The following PTCHD4 variants were observed in gnomAD, a reference collection of about 807,000 sequenced individuals.
PTCHD4 encodes the protein patched domain-containing protein 4.
In PTCHD4, 33 loss-of-function variants were observed where a neutral mutation model predicts 58.1. The ratio of observed to expected loss-of-function variants is 0.57; its 90% CI spans 0.43 to 0.76. PTCHD4 has a LOEUF of 0.76. Among genes scored for constraint, PTCHD4 ranks in the 30% least tolerant of loss-of-function variants. The probability of loss-of-function intolerance (pLI) is 0.00; values close to 1 mark genes in which losing one functional copy is unlikely to be tolerated. For synonymous variants in PTCHD4, 478 were observed against 409.6 expected, an observed-to-expected ratio of 1.17 and a Z score of -2.02; for missense variants, 1,058 against 1,027.1, an observed-to-expected ratio of 1.03 and a Z score of -0.41.
intron 3 of PTCHD4, among the ~76,000 whole-genome samples, chr6:48,040,849 T>C (rs188220194): frequency 3.3e-4 from 50 of 152,156 alleles, no homozygotes; most frequent in Non-Finnish European, 6.9e-4. Flanking sequence ...GCAATCTTCC[T>C]ATTGACCCAT....
intron 4 of PTCHD4, among the ~76,000 whole-genome samples, chr6:47,947,928 C>T (rs779563249): frequency 6.6e-6 from 1 of 152,154 alleles, no homozygotes; most frequent in Admixed American, 6.5e-5. Flanking sequence ...CTCACTTTGT[C>T]CTGTATGTCC....
At chr6:48,094,234 A>T (rs1410090777) in intron 1 of PTCHD4, among the ~76,000 whole-genome samples, 5 of 152,218 alleles carry the variant, frequency 3.3e-5, no homozygotes, top group African/African-American at 4.8e-5. Context: ...CAAAAAAGAA[A>T]GTTACAGGGA....
intron 4 of PTCHD4, among the ~76,000 whole-genome samples, chr6:48,007,068 G>T (rs190314953): frequency 4.6e-5 from 7 of 151,922 alleles, no homozygotes; most frequent in Admixed American, 1.3e-4. Context: ...GTGAAACCTC[G>T]TCTCTACTAA....
rs142961548 is a variant in PTCHD4 at position 47,864,315 on chromosome 6, T to TATAC, written c.*13987_*13988insGTAT. On this transcript the variant is annotated 3_prime_UTR_variant, in exon 5 of 5. Coordinates refer to ENST00000339488, the MANE Select transcript of PTCHD4 (RefSeq NM_001384253.1). ...GCCCATTATTTTTGAGATATATATA[T>TATAC]ACACACACACACACATATATATATA... is the stretch of plus-strand genomic sequence containing the variant. Among the ~76,000 whole-genome samples the TATAC allele has an allele frequency of 0.017, 2,601 of 148,878 alleles. 92 individuals carry two copies. The highest frequency in any genetic ancestry group is 0.058 in the African/African-American group (2,381 of 40,730).
chr6:48,068,457 C>T lies in PTCHD4; in HGVS notation c.190G>A (p.Glu64Lys), dbSNP rs1410865996. 1 of 1,613,730 alleles carries T rather than the reference C, an allele frequency of 6.2e-7. No individual in the cohort carries two copies. The change falls in exon 3 of 5, where the codon GAG becomes AAG. Residue 64 changes from glutamate (E) to lysine (K), a missense_variant. Coordinates refer to ENST00000339488, the MANE Select transcript of PTCHD4 (RefSeq NM_001384253.1). This position sits in a 1 kb window ranked among gnomAD's most constrained non-coding sequence, Gnocchi z 4.2. Reference protein sequence around the residue: ...GLSALNRFQPEGDLERLVAPS... With the variant: ...GLSALNRFQPKGDLERLVAPS... ...GCGACCAGGCGCTCCAGGTCGCCCT[C>T]GGGCTGGAAGCGGTTGAGCGCGCTG...
chr6:48,107,981 G>A (rs1218826089), intron 1 of PTCHD4, among the ~76,000 whole-genome samples: 1 of 152,132 alleles, frequency 6.6e-6, no homozygotes, highest in Non-Finnish European at 1.5e-5. Flanking sequence ...GGAGAAATAG[G>A]AACACTTTTA....
intron 1 of PTCHD4, among the ~76,000 whole-genome samples, chr6:48,097,378 C>T (rs1220017453): frequency 2.0e-5 from 3 of 152,094 alleles, no homozygotes; most frequent in Non-Finnish European, 4.4e-5. Flanking sequence ...AAAGAGGCAT[C>T]ATTATCCCAT....
At chr6:47,932,068 C>G (rs973698100) in intron 4 of PTCHD4, among the ~76,000 whole-genome samples, 1 of 152,144 alleles carries the variant, frequency 6.6e-6, no homozygotes, top group African/African-American at 2.4e-5. Flanking sequence ...ACATTATTCT[C>G]TACACAGGAA....
rs1188611639 is a variant in PTCHD4, at chr6:47,879,866, T to G, written c.969A>C (p.Lys323Asn). Residue 323 changes from lysine to asparagine, a missense_variant, in exon 5 of 5, where the codon AAA (lysine) becomes AAC (asparagine). Transcript: ENST00000339488. ...WRRTKENLPF[K>N]DRIADAYSDV... is the part of the protein sequence containing the mutation. ...CAGAATAGGCATCTGCTATCCTGTC[T>G]TTGAAGGGCAAGTTCTCTTTGGTTC... The G allele has an allele frequency of 1.9e-6, 3 of 1,601,656 alleles. No individual in the cohort carries two copies. The highest frequency in any genetic ancestry group is 2.6e-6 in the Non-Finnish European group (3 of 1,173,602).
chr6:48,086,750 AAAGT>A (rs1387209901), intron 1 of PTCHD4, among the ~76,000 whole-genome samples: 1 of 152,190 alleles, frequency 6.6e-6, no homozygotes, highest in African/African-American at 2.4e-5. Context: ...ATAAAGTTAT[AAAGT>A]GAGTATGTGT....
intron 3 of PTCHD4, among the ~76,000 whole-genome samples, chr6:48,013,007 T>C (rs1432815936): frequency 6.6e-6 from 1 of 152,204 alleles, no homozygotes; most frequent in African/African-American, 2.4e-5. Flanking sequence ...GCATTGATGT[T>C]CATCAGGGAT....
intron 4 of PTCHD4, among the ~76,000 whole-genome samples, chr6:47,947,944 C>G (rs112815481): frequency 1.3e-4 from 20 of 152,214 alleles, no homozygotes; most frequent in African/African-American, 4.6e-4. Flanking sequence ...TGTCCCTTAG[C>G]CTCTCTTTCA....
chr6:47,987,716 C>T (rs1245974949), intron 4 of PTCHD4, among the ~76,000 whole-genome samples: 1 of 152,068 alleles, frequency 6.6e-6, no homozygotes, highest in African/African-American at 2.4e-5. Flanking sequence ...ATTTCCAAAG[C>T]CATAGCTTTA....
chr6:48,095,747 A>C (rs77678239), intron 1 of PTCHD4, among the ~76,000 whole-genome samples: 2 of 150,798 alleles, frequency 1.3e-5, no homozygotes, highest in African/African-American at 2.4e-5. Context: ...AAAAAAAAAA[A>C]CAAATATAAC....
At chr6:47,982,260 G>A (rs1407714155) in intron 4 of PTCHD4, among the ~76,000 whole-genome samples, 1 of 152,060 alleles carries the variant, frequency 6.6e-6, no homozygotes, top group Non-Finnish European at 1.5e-5. Context: ...TTAATTAGAA[G>A]CATTGTTTAC....
chr6:47,890,146 T>TATGC (rs1581833947), intron 4 of PTCHD4, among the ~76,000 whole-genome samples: 3 of 152,080 alleles, frequency 2.0e-5, no homozygotes. Context: ...TGTGTTTATG[T>TATGC]ATGCATGTGT....
At chr6:48,075,780 T>C (rs761954118) in intron 1 of PTCHD4, among the ~76,000 whole-genome samples, 12 of 152,222 alleles carry the variant, frequency 7.9e-5, no homozygotes, top group Non-Finnish European at 1.8e-4. Flanking sequence ...AAAATGCTAA[T>C]GGTCATTTAA....
chr6:48,039,991 G>A (rs1294972336), intron 3 of PTCHD4, among the ~76,000 whole-genome samples: 2 of 152,068 alleles, frequency 1.3e-5, no homozygotes, highest in African/African-American at 4.8e-5. Context: ...GTCTGAGATG[G>A]GGCCCAAGAC....
intron 3 of PTCHD4, among the ~76,000 whole-genome samples, chr6:48,046,284 G>A (rs932344372): frequency 6.6e-5 from 10 of 151,670 alleles, no homozygotes; most frequent in African/African-American, 2.2e-4. Context: ...TCACTCATTC[G>A]TATTGGAGCT....
Sources: allele counts gnomAD v4.1 joint callset (sites outside exome capture counted in the v4.1 genomes callset), GRCh38; gene constraint gnomAD v4.1.1; non-coding constraint Gnocchi (gnomAD v3.1); transcripts MANE v1.5; gene names NCBI Gene and HGNC (gene_info 2026-07-23, HGNC 2026-07-21).